Variants in OPCML observed in about 807,000 individuals in gnomAD.
OPCML encodes opioid-binding protein/cell adhesion molecule.
A neutral mutation model predicts 37.8 loss-of-function variants in OPCML; 13 were observed. The ratio of observed to expected loss-of-function variants is 0.34; its 90% confidence interval spans 0.22 to 0.55. OPCML has a LOEUF of 0.55. Ranked by LOEUF, OPCML falls within the 20% of genes least tolerant of loss-of-function variation. OPCML has a pLI of 0.91. For missense variants in OPCML, 341 were observed against 435.6 expected, an observed-to-expected ratio of 0.78 and a Z score of 1.93; for synonymous variants, 176 against 168.8, an observed-to-expected ratio of 1.04 and a Z score of -0.33.
chr11:133,209,210 G>A (rs867246177), intron 1 of OPCML, among the ~76,000 whole-genome samples: 21 of 152,276 alleles, frequency 1.4e-4, no homozygotes, highest in Middle Eastern at 3.4e-3. Flanking sequence ...ACTATATAAG[G>A]ACAAGGACTG....
At chr11:132,671,003 G>A (rs895385947) in intron 2 of OPCML, among the ~76,000 whole-genome samples, 3 of 152,218 alleles carry the variant, frequency 2.0e-5, no homozygotes, top group Non-Finnish European at 2.9e-5. Context: ...GTGTTCAGGT[G>A]ACTGTGGCTT....
chr11:132,577,989 A>T (rs2137609994), intron 3 of OPCML, among the ~76,000 whole-genome samples: 1 of 152,330 alleles, frequency 6.6e-6, no homozygotes, highest in Admixed American at 6.5e-5. Context: ...CCAACAGGTT[A>T]CTATATATGT....
At chr11:133,171,473 T>C (rs1950288231) in intron 1 of OPCML, among the ~76,000 whole-genome samples, 1 of 152,228 alleles carries the variant, frequency 6.6e-6, no homozygotes, top group Admixed American at 6.5e-5. Flanking sequence ...TAGAACAGTC[T>C]GTCACTCAGT....
intron 3 of OPCML, among the ~76,000 whole-genome samples, chr11:132,565,872 A>C (rs1322760671): frequency 6.6e-6 from 1 of 152,086 alleles, no homozygotes; most frequent in Non-Finnish European, 1.5e-5. Flanking sequence ...GTCTCTACTA[A>C]AAATACAAAA....
chr11:133,325,135 C>T (rs577585249), intron 1 of OPCML, among the ~76,000 whole-genome samples: 44 of 152,316 alleles, frequency 2.9e-4, no homozygotes, highest in African/African-American at 9.6e-4. Context: ...GGCTGAGCCA[C>T]GTCACTAGAC....
intron 1 of OPCML, among the ~76,000 whole-genome samples, chr11:133,353,485 T>C (rs940402115): frequency 4.6e-5 from 7 of 152,076 alleles, no homozygotes; most frequent in Admixed American, 1.3e-4. Context: ...TGGCCAGTCA[T>C]CTTTAGGGAT....
At chr11:133,303,783 A>C (rs2136572029) in intron 1 of OPCML, among the ~76,000 whole-genome samples, 1 of 145,572 alleles carries the variant, frequency 6.9e-6, no homozygotes, top group Admixed American at 6.8e-5. Context: ...GTTTGTAGAA[A>C]CAAAAAAAAA....
chr11:132,752,308 C>A (rs1565833707), intron 2 of OPCML, among the ~76,000 whole-genome samples: 1 of 151,632 alleles, frequency 6.6e-6, no homozygotes, highest in Non-Finnish European at 1.5e-5. Context: ...AAACAAAAAA[C>A]CTAATCTAAT....
At chr11:133,447,560 C>T (rs1174848562) in intron 1 of OPCML, among the ~76,000 whole-genome samples, 1 of 152,134 alleles carries the variant, frequency 6.6e-6, no homozygotes, top group Non-Finnish European at 1.5e-5. Context: ...TCTATTGTTG[C>T]CATTTTTATG....
intron 2 of OPCML, among the ~76,000 whole-genome samples, chr11:132,877,917 C>T (rs778555159): frequency 6.6e-6 from 1 of 152,096 alleles, no homozygotes; most frequent in Non-Finnish European, 1.5e-5. Flanking sequence ...TTCTTTTTCC[C>T]TGACAAATAT....
chr11:133,265,761 G>A (rs1398404741), intron 1 of OPCML, among the ~76,000 whole-genome samples: 3 of 152,136 alleles, frequency 2.0e-5, no homozygotes, highest in Non-Finnish European at 4.4e-5. Context: ...GTCAGATGAT[G>A]ACTGAGTAAC....
chr11:132,581,805 G>A lies in OPCML; in HGVS notation c.380-52619C>T, dbSNP rs146774107. 7.9e-5 allele frequency among the ~76,000 whole-genome samples: 12 copies of A among 152,160 alleles called. No individual in the cohort carries two copies. The East Asian group carries it at 2.3e-3, about 30-fold the overall frequency. On this transcript the variant is annotated intron_variant, in intron 3 of 7. Coordinates refer to ENST00000524381, the MANE Select transcript of OPCML (RefSeq NM_001012393.5). ...CTGCTTGACTGCCATGAGGTCTGGGGTTGCTCCTGGCACTGGTGGATACTC... is the reference window on the plus strand; with the variant it reads ...CTGCTTGACTGCCATGAGGTCTGGGATTGCTCCTGGCACTGGTGGATACTC...
At chr11:133,414,139 C>T (rs1288863571) in intron 1 of OPCML, among the ~76,000 whole-genome samples, 4 of 152,160 alleles carry the variant, frequency 2.6e-5, no homozygotes, top group Non-Finnish European at 4.4e-5. Flanking sequence ...CACTCTGGTC[C>T]TTGCTCTGGG....
rs111610344 is a variant in OPCML at position 132,659,502 on chromosome 11, C to T, written c.147-2183G>A. ...AGTGAAGGGCGTGATGTTCCAGTCG[C>T]TTCTAGTTGTGTGGTCTTCTAGTCA... is the stretch of plus-strand genomic sequence containing the variant. On this transcript the variant is annotated intron_variant, in intron 2 of 7. Transcript: ENST00000524381. 7.7e-3 allele frequency among the ~76,000 whole-genome samples: 1,175 copies of T among 152,272 alleles called. 21 individuals are homozygous for T. The highest frequency in any genetic ancestry group is 0.027 in the African/African-American group (1,127 of 41,542).
intron 1 of OPCML, among the ~76,000 whole-genome samples, chr11:133,317,656 G>A (rs1370630812): frequency 2.6e-5 from 4 of 152,226 alleles, no homozygotes; most frequent in Non-Finnish European, 5.9e-5. Context: ...TACTGTGTAT[G>A]CTGTTGTATC....
intron 2 of OPCML, among the ~76,000 whole-genome samples, chr11:132,927,374 C>A (rs78231252): frequency 6.6e-6 from 1 of 152,006 alleles, no homozygotes; most frequent in African/African-American, 2.4e-5. Context: ...ATCTTGCCTC[C>A]CAGAAGGCGG....
rs5795789 is a variant in OPCML at position 132,554,863 on chromosome 11, G to GTTTTTT, written c.380-25683_380-25678dup. ...ATAAAAGCCATGGGAATGGGGTAAA[G>GTTTTTT]TTTTTTTTTTTTTTTTTTTTTTTTT... On this transcript the variant is annotated intron_variant, in intron 3 of 7. Coordinates refer to ENST00000524381, the MANE Select transcript of OPCML (RefSeq NM_001012393.5). 2.8e-3 allele frequency among the ~76,000 whole-genome samples: 179 copies of GTTTTTT among 64,012 alleles called. 27 individuals are homozygous for GTTTTTT. The highest frequency in any genetic ancestry group is 9.1e-3 in the African/African-American group (158 of 17,326). The allele number at this position is 64,012 out of a possible 152,430, so 42.0% of individuals were successfully genotyped here. A position where few individuals can be genotyped will look rare whatever the true frequency, so the allele number is the denominator to read the frequency against.
chr11:132,928,852 A>G (rs1945090293), intron 2 of OPCML, among the ~76,000 whole-genome samples: 1 of 152,048 alleles, frequency 6.6e-6, no homozygotes, highest in South Asian at 2.1e-4. Context: ...GTGAATTAAC[A>G]CATTCTCAAA....
chr11:133,169,115 C>T (rs531375266), intron 1 of OPCML, among the ~76,000 whole-genome samples: 1 of 152,084 alleles, frequency 6.6e-6, no homozygotes, highest in African/African-American at 2.4e-5. Context: ...GGCAACAGAG[C>T]AAGACTCCAT....
Sources: allele counts gnomAD v4.1 joint callset (sites outside exome capture counted in the v4.1 genomes callset), GRCh38; gene constraint gnomAD v4.1.1; transcripts MANE v1.5; gene names NCBI Gene and HGNC (gene_info 2026-07-23, HGNC 2026-07-21).